GRIP1: variants seen among roughly 807,000 people sequenced by gnomAD.
The protein encoded by GRIP1 is glutamate receptor interacting protein 1, also known as glutamate receptor-interacting protein 1.
Under a neutral mutation model 129.9 loss-of-function variants are expected in GRIP1, and 45 were observed. That is an observed-to-expected ratio of 0.35 (90% CI 0.27 to 0.44). The LOEUF (loss-of-function observed/expected upper bound fraction) is 0.44. Ranked by LOEUF, GRIP1 falls within the 20% of genes least tolerant of loss-of-function variation. The probability of loss-of-function intolerance (pLI) is 1.00; values close to 1 mark genes in which losing one functional copy is unlikely to be tolerated. For synonymous variants in GRIP1, 530 were observed against 520.8 expected, an observed-to-expected ratio of 1.02 and a Z score of -0.24; for missense variants, 1,196 against 1,396.8, an observed-to-expected ratio of 0.86 and a Z score of 2.29.
At chr12:66,527,790 C>T (rs1241707692) in intron 5 of GRIP1, among the ~76,000 whole-genome samples, 1 of 151,964 alleles carries the variant, frequency 6.6e-6, no homozygotes, top group African/African-American at 2.4e-5. Flanking sequence ...GAACAACAGA[C>T]ACTGAGGCCT....
At chr12:66,598,515 C>G (rs543733720) in intron 1 of GRIP1, among the ~76,000 whole-genome samples, 1 of 152,240 alleles carries the variant, frequency 6.6e-6, no homozygotes, top group East Asian at 1.9e-4. Flanking sequence ...TAATTAAAAT[C>G]CACAAAACAA....
intron 1 of GRIP1, among the ~76,000 whole-genome samples, chr12:66,736,677 A>T: frequency 6.6e-6 from 1 of 151,928 alleles, no homozygotes; most frequent in Admixed American, 6.6e-5. Context: ...GAACCCATGC[A>T]ATTCAAGGGT....
At chr12:66,902,981 T>C (rs760202270) in intron 1 of GRIP1, among the ~76,000 whole-genome samples, 7 of 152,230 alleles carry the variant, frequency 4.6e-5, no homozygotes, top group Non-Finnish European at 8.8e-5. Context: ...GGAGTTCTGA[T>C]TTGTTTATTT....
chr12:66,968,863 T>A (rs766545326), intron 1 of GRIP1, among the ~76,000 whole-genome samples: 2 of 152,188 alleles, frequency 1.3e-5, no homozygotes, highest in Admixed American at 6.5e-5. Context: ...ATTATTCTTT[T>A]CTCTGAAGAA....
chr12:66,786,942 A>G (rs935373686), intron 1 of GRIP1, among the ~76,000 whole-genome samples: 1 of 152,156 alleles, frequency 6.6e-6, no homozygotes, highest in African/African-American at 2.4e-5. Context: ...CTCAGGTCTA[A>G]TCCTTTTGAT....
At chr12:66,900,476 T>A (rs893920411) in intron 1 of GRIP1, among the ~76,000 whole-genome samples, 2 of 152,096 alleles carry the variant, frequency 1.3e-5, no homozygotes, top group African/African-American at 2.4e-5. Context: ...CTTCCTAGCC[T>A]CCGGAACTGT....
chr12:66,683,695 C>T (rs1157202188), upstream of GRIP1, among the ~76,000 whole-genome samples: 2 of 152,046 alleles, frequency 1.3e-5, no homozygotes, highest in East Asian at 1.9e-4. Context: ...CTCTGATGCC[C>T]GTAACAGTGC....
At chr12:66,590,322 T>A (rs114460545) in intron 2 of GRIP1, among the ~76,000 whole-genome samples, 2,013 of 152,356 alleles carry the variant, frequency 0.013, 48 homozygotes, top group African/African-American at 0.046. Context: ...TTTCAGCCAA[T>A]GTTTACTAAG....
chr12:66,347,444 C>CTTTA lies in GRIP1; in HGVS notation c.*1571_*1574dup, dbSNP rs2054017239. On this transcript the variant is annotated 3_prime_UTR_variant, in exon 25 of 25. Coordinates refer to ENST00000359742, the MANE Select transcript of GRIP1 (RefSeq NM_001366722.1). ...AAACAACACCAATAATGCATATCCT[C>CTTTA]TTTATTTGGCTTTTTAAAATCACTG... 1.3e-5 allele frequency: 2 copies of CTTTA among 152,122 alleles called. No homozygotes were observed. The highest frequency in any genetic ancestry group is 6.5e-5 in the Admixed American group (1 of 15,274). The allele number at this position is 152,122 out of a possible 1,614,324, so 9.4% of individuals were successfully genotyped here. A position where few individuals can be genotyped will look rare whatever the true frequency, so the allele number is the denominator to read the frequency against.
chr12:66,992,344 G>A (rs1326912319), intron 1 of GRIP1, among the ~76,000 whole-genome samples: 2 of 150,726 alleles, frequency 1.3e-5, no homozygotes, highest in African/African-American at 2.4e-5. Context: ...CTAAATACCT[G>A]TACCCTAGAA....
chr12:66,847,257 C>T (rs561178854), intron 1 of GRIP1, among the ~76,000 whole-genome samples: 43 of 152,278 alleles, frequency 2.8e-4, no homozygotes, highest in African/African-American at 1.0e-3. Flanking sequence ...TAGGGGTTTC[C>T]TGTTTTCTTA....
intron 1 of GRIP1, among the ~76,000 whole-genome samples, chr12:66,959,110 T>C (rs904756615): frequency 4.6e-5 from 7 of 152,336 alleles, no homozygotes; most frequent in Admixed American, 3.9e-4. Flanking sequence ...ATTGGTATAC[T>C]TTTTAAAATA....
intron 1 of GRIP1, among the ~76,000 whole-genome samples, chr12:66,911,412 T>C (rs2041027164): frequency 6.6e-6 from 1 of 152,206 alleles, no homozygotes; most frequent in Non-Finnish European, 1.5e-5. Flanking sequence ...TTCCACAAGA[T>C]TGCCTTTTAA....
At chr12:66,454,825 A>G (rs12298258) in intron 11 of GRIP1, among the ~76,000 whole-genome samples, 36,618 of 152,158 alleles carry the variant, frequency 0.24, 5,202 homozygotes, top group African/African-American at 0.38. Flanking sequence ...ATCACTGATT[A>G]CCAGTGGGGT....
At chr12:66,607,296 CAT>C (rs1438413925) in intron 1 of GRIP1, among the ~76,000 whole-genome samples, 1 of 152,174 alleles carries the variant, frequency 6.6e-6, no homozygotes, top group Non-Finnish European at 1.5e-5. Flanking sequence ...TGAATGAATG[CAT>C]TTTAGCCAAG....
rs569190574 is a variant in GRIP1 at position 66,602,342 on chromosome 12, T to C, written c.56-5415A>G. 3.3e-5 allele frequency among the ~76,000 whole-genome samples: 5 copies of C among 152,266 alleles called. No individual in the cohort carries two copies. In the South Asian group the frequency reaches 1.0e-3, roughly 32 times the overall value. ...AAGGCTTTTTGACAACAGAGCTTAA[T>C]TATATCTTTCTCTTCTTGCTAAAAT... On this transcript the variant is annotated intron_variant, in intron 1 of 24. Transcript: ENST00000359742.
chr12:66,854,964 G>A (rs1342825769), intron 1 of GRIP1, among the ~76,000 whole-genome samples: 2 of 151,978 alleles, frequency 1.3e-5, no homozygotes, highest in African/African-American at 2.4e-5. Context: ...AAATTACAGT[G>A]TCCATCTTTG....
intron 17 of GRIP1, among the ~76,000 whole-genome samples, chr12:66,393,328 A>G (rs2056666271): frequency 6.6e-6 from 1 of 151,794 alleles, no homozygotes; most frequent in Non-Finnish European, 1.5e-5. Context: ...ACAGGCAAGC[A>G]CCACCATCCC....
intron 1 of GRIP1, among the ~76,000 whole-genome samples, chr12:66,948,061 C>G (rs1371322603): frequency 6.6e-6 from 1 of 152,204 alleles, no homozygotes; most frequent in African/African-American, 2.4e-5. Context: ...TCAAGATATA[C>G]AAGCTGTTCC....
Sources: allele counts gnomAD v4.1 joint callset (sites outside exome capture counted in the v4.1 genomes callset), GRCh38; gene constraint gnomAD v4.1.1; transcripts MANE v1.5; gene names NCBI Gene and HGNC (gene_info 2026-07-23, HGNC 2026-07-21).